The following HOXD9 variants were observed in gnomAD, a reference collection of about 807,000 sequenced individuals.
HOXD9 encodes homeobox D9.
HOXD9 carries 21 observed loss-of-function variants against 24.6 expected under a neutral mutation model. The observed-to-expected ratio is 0.85, with a 90% CI of 0.61 to 1.23. The LOEUF (loss-of-function observed/expected upper bound fraction) is 1.23, where lower values mean the gene tolerates loss of function less well. Among genes scored for constraint, HOXD9 ranks in the 50% most tolerant of loss-of-function variants. The pLI, the probability that HOXD9 is intolerant of heterozygous loss-of-function variation, is 0.00. For missense variants in HOXD9, 503 were observed against 503.6 expected (o/e 1.00, Z 0.01); for synonymous variants, 240 against 226.4 (o/e 1.06, Z -0.54).
In HOXD9 at chr2:176,123,613, T is replaced by C. The variant is rs1246756104; in HGVS notation, c.817+28T>C. The C allele has an allele frequency of 4.7e-6, 7 of 1,481,294 alleles. No homozygotes were observed. The highest frequency in any genetic ancestry group is 5.4e-6 in the Non-Finnish European group (6 of 1,114,972). 91.8% of individuals were successfully genotyped at this position (1,481,294 alleles called of 1,614,324 possible). On this transcript the variant is annotated intron_variant, in intron 1 of 1. Transcript: ENST00000249499. This position sits in a 1 kb window ranked among gnomAD's most constrained non-coding sequence, Gnocchi z 4.2. ...AAGTGCAAAAGAAATTGCCCCCTGATTTATTGCTGAAACCTGTAAGGCTCG... is the reference window on the plus strand; with the variant it reads ...AAGTGCAAAAGAAATTGCCCCCTGACTTATTGCTGAAACCTGTAAGGCTCG...
rs768756561 is a variant in HOXD9 at position 176,124,088 on chromosome 2, A to C, written c.972A>C (p.Leu324=). Residue 324 remains leucine (L), a synonymous_variant, in exon 2 of 2, where the codon CTA becomes CTC. Coordinates refer to ENST00000249499, the MANE Select transcript of HOXD9 (RefSeq NM_014213.4). Reference sequence around the variant, plus strand: ...ACGAGGTGGCCAGGATTCTCAACCTAACAGAGAGACAGGTCAAAATCTGGT... The same window carrying C: ...ACGAGGTGGCCAGGATTCTCAACCTCACAGAGAGACAGGTCAAAATCTGGT... ...RRYEVARILN[L]TERQVKIWFQ... is the part of the protein sequence containing the mutation. The C allele has an allele frequency of 6.2e-7, 1 of 1,614,160 alleles. No individual in the cohort carries two copies. The highest frequency in any genetic ancestry group is 1.1e-5 in the South Asian group (1 of 91,074).
Position 176,123,964 on chromosome 2 carries a change from G to T in HOXD9, c.848G>T (p.Arg283Leu). 2 of 1,612,742 alleles carry T rather than the reference G, an allele frequency of 1.2e-6. No homozygotes were observed. Among genetic ancestry groups the T allele is most frequent in the South Asian group, 1.1e-5 (1 of 90,980 alleles). ...CCCGCCGCGAACTGGATCCACGCTC[G>T]CTCCACCCGGAAAAAGCGCTGTCCC... ...NNPAANWIHA[R>L]STRKKRCPYT... The change falls in exon 2 of 2, where the codon CGC (arginine) becomes CTC (leucine). Residue 283 changes from arginine to leucine, a missense_variant. Arg to Leu is a moderately radical substitution (Grantham distance 102). Coordinates refer to ENST00000249499, the MANE Select transcript of HOXD9 (RefSeq NM_014213.4). This position sits in a 1 kb window ranked among gnomAD's most constrained non-coding sequence, Gnocchi z 4.2.
Position 176,123,253 on chromosome 2 carries a change from C to A in HOXD9, c.485C>A (p.Pro162His). The change falls in exon 1 of 2, where the codon CCT (proline) becomes CAT (histidine). Residue 162 changes from proline to histidine, a missense_variant. Pro to His is a moderately conservative substitution (Grantham distance 77). Coordinates refer to ENST00000249499, the MANE Select transcript of HOXD9 (RefSeq NM_014213.4). This position sits in a 1 kb window ranked among gnomAD's most constrained non-coding sequence, Gnocchi z 4.2. ...PANGRHYGIKPETRAAPAPAT... is the reference protein window; with the variant it reads ...PANGRHYGIKHETRAAPAPAT... ...AACGGGCGCCACTACGGGATTAAGC[C>A]TGAAACCCGAGCGGCCCCGGCCCCC... 6.6e-7 allele frequency: 1 copy of A among 1,520,062 alleles called. No individual in the cohort carries two copies. The highest frequency in any genetic ancestry group is 8.8e-7 in the Non-Finnish European group (1 of 1,130,606). 94.2% of individuals were successfully genotyped at this position (1,520,062 alleles called of 1,614,324 possible).
chr2:176,122,952 G>A lies in HOXD9; in HGVS notation c.184G>A (p.Glu62Lys). ...VADGPAATAAEFASCSFAPRS... is the reference protein window; with the variant it reads ...VADGPAATAAKFASCSFAPRS... ...TGATGGCCCGGCCGCCACCGCCGCC[G>A]AGTTCGCCTCGTGTAGTTTTGCCCC... Residue 62 changes from glutamate to lysine, a missense_variant, in exon 1 of 2, where the codon GAG becomes AAG. Coordinates refer to ENST00000249499, the MANE Select transcript of HOXD9 (RefSeq NM_014213.4). The A allele has an allele frequency of 6.3e-7, 1 of 1,586,288 alleles. No individual in the cohort carries two copies. The highest frequency in any genetic ancestry group is 8.6e-7 in the Non-Finnish European group (1 of 1,168,758).
At position 176,122,873 on chromosome 2, in the gene HOXD9, G is replaced by C. The variant is rs773241893; in HGVS notation, c.105G>C (p.Ala35=). The change falls in exon 1 of 2, where the codon GCG becomes GCC. Residue 35 remains alanine, a synonymous_variant. Transcript: ENST00000249499. ...LIGHEGDEVF[A]ARFGPPGPGA... ...GCCATGAGGGCGACGAGGTGTTCGCGGCGCGCTTCGGGCCGCCGGGGCCAG... is the reference window on the plus strand; with the variant it reads ...GCCATGAGGGCGACGAGGTGTTCGCCGCGCGCTTCGGGCCGCCGGGGCCAG... The C allele has an allele frequency of 6.3e-7, 1 of 1,595,502 alleles. No homozygotes were observed. The highest frequency in any genetic ancestry group is 1.7e-5 in the Admixed American group (1 of 57,822).
At position 176,122,760 on chromosome 2, in the gene HOXD9, G is replaced by A; in HGVS notation, c.-9G>A. ...GCCGGCGGGGAGCTGCTCGGCGGCG[G>A]ACAGTGTAATGTTGGGTGGGAGTGC... On this transcript the variant is annotated 5_prime_UTR_variant, in exon 1 of 2. Transcript: ENST00000249499. 6.8e-7 allele frequency: 1 copy of A among 1,473,516 alleles called. No individual in the cohort carries two copies. The highest frequency in any genetic ancestry group is 9.0e-7 in the Non-Finnish European group (1 of 1,113,768). 91.3% of individuals were successfully genotyped at this position (1,473,516 alleles called of 1,614,324 possible).
chr2:176,124,412 C>T lies in HOXD9; in HGVS notation c.*237C>T. ...AACCAAGTGGCTTTGGGGTTTCGCC[C>T]TATCCCACTCCCTCTCTTTCCTGCT... is the stretch of plus-strand genomic sequence containing the variant. On this transcript the variant is annotated 3_prime_UTR_variant, in exon 2 of 2. Transcript: ENST00000249499. 1 of 418,320 alleles carries T rather than the reference C, an allele frequency of 2.4e-6. No homozygotes were observed. 25.9% of individuals were successfully genotyped at this position (418,320 alleles called of 1,614,324 possible).
rs1444146424 is a variant in HOXD9 at position 176,123,798 on chromosome 2, T to G, written c.818-136T>G. 1 of 1,020,362 alleles carries G rather than the reference T, an allele frequency of 9.8e-7. No homozygotes were observed. Among genetic ancestry groups the G allele is most frequent in the Non-Finnish European group, 1.4e-6 (1 of 707,736 alleles). 63.2% of individuals were successfully genotyped at this position (1,020,362 alleles called of 1,614,324 possible). The stretch of plus-strand genomic sequence containing the variant: ...AGAGCGCGAGCATTAAGGCTTTTTA[T>G]GATAATTCCCCACAAGTTGTGAAAA... On this transcript the variant is annotated intron_variant, in intron 1 of 1. Transcript: ENST00000249499. This position sits in a 1 kb window ranked among gnomAD's most constrained non-coding sequence, Gnocchi z 4.2.
chr2:176,123,457 T>A lies in HOXD9; in HGVS notation c.689T>A (p.Ile230Asn), dbSNP rs1266321988. 1 of 1,559,306 alleles carries A rather than the reference T, an allele frequency of 6.4e-7. No individual in the cohort carries two copies. The highest frequency in any genetic ancestry group is 1.9e-5 in the Admixed American group (1 of 53,630). ...ATGGTGPGAG[I>N]GAATGTGGSS... ...GGGGGAACCGGGCCTGGGGCAGGGATCGGGGCCGCGACTGGGACGGGCGGC... is the reference window on the plus strand; with the variant it reads ...GGGGGAACCGGGCCTGGGGCAGGGAACGGGGCCGCGACTGGGACGGGCGGC... Residue 230 changes from isoleucine (I) to asparagine (N), a missense_variant, in exon 1 of 2, where the codon ATC becomes AAC. Physicochemically the swap from Ile to Asn is moderately radical, Grantham distance 149 (BLOSUM62 -3). Coordinates refer to ENST00000249499, the MANE Select transcript of HOXD9 (RefSeq NM_014213.4). The surrounding 1 kb of genome is among the most constrained non-coding windows in gnomAD (Gnocchi z 4.2).
At position 176,124,280 on chromosome 2, in the gene HOXD9, C is replaced by A; in HGVS notation, c.*105C>A. On this transcript the variant is annotated 3_prime_UTR_variant, in exon 2 of 2. Transcript: ENST00000249499. ...TTGATTTCCAGAAACTCTCCAGCGA[C>A]TTGGACTTCTTCTTCTTTTTTTTTT... 3.5e-6 allele frequency: 5 copies of A among 1,424,702 alleles called. No homozygotes were observed. Among genetic ancestry groups the A allele is most frequent in the South Asian group, 1.5e-5 (1 of 65,370 alleles). The allele number at this position is 1,424,702 out of a possible 1,614,324, so 88.3% of individuals were successfully genotyped here. A position where few individuals can be genotyped will look rare whatever the true frequency, so the allele number is the denominator to read the frequency against.
In HOXD9 at chr2:176,123,137, GC is replaced by G; in HGVS notation, c.372del (p.Gly125AlafsTer131). 7.1e-7 allele frequency: 1 copy of G among 1,418,100 alleles called. No individual in the cohort carries two copies. The highest frequency in any genetic ancestry group is 3.5e-5 in the Admixed American group (1 of 28,534). 87.8% of individuals were successfully genotyped at this position (1,418,100 alleles called of 1,614,324 possible). The part of the protein sequence containing the change: ...RYVRSWMEPL[P>X]GFPGGAGGGG... ...ACGTGCGCTCCTGGATGGAGCCGCT[GC>G]CCGGCTTCCCGGGCGGTGCGGGCGG... On this transcript the variant is annotated frameshift_variant, in exon 1 of 2. Transcript: ENST00000249499. LOFTEE classifies it high-confidence loss of function. The surrounding 1 kb of genome is among the most constrained non-coding windows in gnomAD (Gnocchi z 4.2).
Position 176,123,851 on chromosome 2 carries a change from A to C in HOXD9, c.818-83A>C. 8.1e-7 allele frequency: 1 copy of C among 1,230,062 alleles called. No homozygotes were observed. Among genetic ancestry groups the C allele is most frequent in the South Asian group, 1.5e-5 (1 of 68,598 alleles). The allele number at this position is 1,230,062 out of a possible 1,614,324, so 76.2% of individuals were successfully genotyped here. ...GACCATCCTTGGTGAAATTAATTTA[A>C]CGACCTCTCTTCCCCACCCTGTGGT... On this transcript the variant is annotated intron_variant, in intron 1 of 1. Coordinates refer to ENST00000249499, the MANE Select transcript of HOXD9 (RefSeq NM_014213.4). The surrounding 1 kb of genome is among the most constrained non-coding windows in gnomAD (Gnocchi z 4.2).
chr2:176,124,344 G>C lies in HOXD9; in HGVS notation c.*169G>C. 1 of 998,130 alleles carries C rather than the reference G, an allele frequency of 1.0e-6. No individual in the cohort carries two copies. The highest frequency in any genetic ancestry group is 1.4e-6 in the Non-Finnish European group (1 of 724,240). 61.8% of individuals were successfully genotyped at this position (998,130 alleles called of 1,614,324 possible). On this transcript the variant is annotated 3_prime_UTR_variant, in exon 2 of 2. Coordinates refer to ENST00000249499, the MANE Select transcript of HOXD9 (RefSeq NM_014213.4). ...AAGTGACTGTGTGGTTGGTCTCTGAGGTATTTGGGGGACTCTGTATTTGCT... is the reference window on the plus strand; with the variant it reads ...AAGTGACTGTGTGGTTGGTCTCTGACGTATTTGGGGGACTCTGTATTTGCT...
In HOXD9 at chr2:176,123,523, G is replaced by T; in HGVS notation, c.755G>T (p.Gly252Val). The T allele has an allele frequency of 6.7e-7, 1 of 1,502,952 alleles. No individual in the cohort carries two copies. The highest frequency in any genetic ancestry group is 8.9e-7 in the Non-Finnish European group (1 of 1,123,326). 93.1% of individuals were successfully genotyped at this position (1,502,952 alleles called of 1,614,324 possible). A position where few individuals can be genotyped will look rare whatever the true frequency, so the allele number is the denominator to read the frequency against. The change falls in exon 1 of 2, where the codon GGC becomes GTC. Residue 252 changes from glycine (G) to valine (V), a missense_variant. Coordinates refer to ENST00000249499, the MANE Select transcript of HOXD9 (RefSeq NM_014213.4). This position sits in a 1 kb window ranked among gnomAD's most constrained non-coding sequence, Gnocchi z 4.2. Reference sequence around the variant, plus strand: ...GCTTGCAGCGACCACCCGATCCCAGGCTGTTCGCTGAAGGAGGAGGAGAAG... The same window carrying T: ...GCTTGCAGCGACCACCCGATCCCAGTCTGTTCGCTGAAGGAGGAGGAGAAG... ...PSACSDHPIPGCSLKEEEKQH... is the reference protein window; with the variant it reads ...PSACSDHPIPVCSLKEEEKQH...
At position 176,123,950 on chromosome 2, in the gene HOXD9, C is replaced by T; in HGVS notation, c.834C>T (p.Asn278=). Residue 278 remains asparagine, a synonymous_variant, in exon 2 of 2, where the codon AAC becomes AAT. Transcript: ENST00000249499. The surrounding 1 kb of genome is among the most constrained non-coding windows in gnomAD (Gnocchi z 4.2). ...TCTTTGTAGACAACCCCGCCGCGAA[C>T]TGGATCCACGCTCGCTCCACCCGGA... ...QQLDPNNPAA[N]WIHARSTRKK... is the part of the protein sequence containing the mutation. 6.2e-7 allele frequency: 1 copy of T among 1,611,758 alleles called. No individual in the cohort carries two copies.
chr2:176,123,318 T>A lies in HOXD9; in HGVS notation c.550T>A (p.Leu184Ile), dbSNP rs757557164. 1 of 1,547,966 alleles carries A rather than the reference T, an allele frequency of 6.5e-7. No individual in the cohort carries two copies. The highest frequency in any genetic ancestry group is 1.2e-5 in the South Asian group (1 of 83,688). ...ASTTSSSSTS[L>I]SSSSKRTECS... ...CACCACCTCCTCCTCCTCCACTTCC[T>A]TATCCTCCTCCTCCAAACGGACTGA... Residue 184 changes from leucine (L) to isoleucine (I), a missense_variant, in exon 1 of 2, where the codon TTA becomes ATA. Coordinates refer to ENST00000249499, the MANE Select transcript of HOXD9 (RefSeq NM_014213.4). This position sits in a 1 kb window ranked among gnomAD's most constrained non-coding sequence, Gnocchi z 4.2.
rs757322543 is a variant in HOXD9 at position 176,122,890 on chromosome 2, C to T, written c.122C>T (p.Pro41Leu). Residue 41 changes from proline to leucine, a missense_variant, in exon 1 of 2, where the codon CCG (proline) becomes CTG (leucine). Pro to Leu is a moderately conservative substitution (Grantham distance 98). Coordinates refer to ENST00000249499, the MANE Select transcript of HOXD9 (RefSeq NM_014213.4). Reference sequence around the variant, plus strand: ...GTGTTCGCGGCGCGCTTCGGGCCGCCGGGGCCAGGCGCGCAGGGCCGGCCT... The same window carrying T: ...GTGTTCGCGGCGCGCTTCGGGCCGCTGGGGCCAGGCGCGCAGGGCCGGCCT... ...DEVFAARFGP[P>L]GPGAQGRPAG... is the part of the protein sequence containing the mutation. The T allele has an allele frequency of 1.3e-6, 2 of 1,591,170 alleles. No individual in the cohort carries two copies. The highest frequency in any genetic ancestry group is 1.4e-5 in the African/African-American group (1 of 72,342).
chr2:176,123,450 G>T lies in HOXD9; in HGVS notation c.682G>T (p.Ala228Ser). The T allele has an allele frequency of 6.4e-7, 1 of 1,567,438 alleles. No homozygotes were observed. The highest frequency in any genetic ancestry group is 8.7e-7 in the Non-Finnish European group (1 of 1,155,852). Residue 228 changes from alanine (A) to serine (S), a missense_variant, in exon 1 of 2, where the codon GCA (alanine) becomes TCA (serine). Transcript: ENST00000249499. The surrounding 1 kb of genome is among the most constrained non-coding windows in gnomAD (Gnocchi z 4.2). ...GGCGACGGGGGGAACCGGGCCTGGG[G>T]CAGGGATCGGGGCCGCGACTGGGAC... ...AAATGGTGPG[A>S]GIGAATGTGG...
chr2:176,123,167 C>T lies in HOXD9; in HGVS notation c.399C>T (p.Gly133=), dbSNP rs1449554131. The T allele has an allele frequency of 7.8e-6, 11 of 1,408,000 alleles. No individual in the cohort carries two copies. Among genetic ancestry groups the T allele is most frequent in the African/African-American group, 1.5e-5 (1 of 65,758 alleles). The allele number at this position is 1,408,000 out of a possible 1,614,324, so 87.2% of individuals were successfully genotyped here. A position where few individuals can be genotyped will look rare whatever the true frequency, so the allele number is the denominator to read the frequency against. The change falls in exon 1 of 2, where the codon GGC becomes GGT. Residue 133 remains glycine (G), a synonymous_variant. Coordinates refer to ENST00000249499, the MANE Select transcript of HOXD9 (RefSeq NM_014213.4). This position sits in a 1 kb window ranked among gnomAD's most constrained non-coding sequence, Gnocchi z 4.2. ...LPGFPGGAGG[G]GGGGGGGPGR... ...GCTTCCCGGGCGGTGCGGGCGGTGG[C>T]GGTGGTGGTGGAGGCGGCGGTCCGG...
Sources: allele counts gnomAD v4.1 joint callset, GRCh38; gene constraint gnomAD v4.1.1; non-coding constraint Gnocchi (gnomAD v3.1); transcripts MANE v1.5; gene names NCBI Gene and HGNC (gene_info 2026-07-23, HGNC 2026-07-21).